DNAH14: variants seen among roughly 807,000 people sequenced by gnomAD.
DNAH14 encodes the protein axonemal beta dynein heavy chain 14.
In DNAH14, 478 loss-of-function variants were observed where a neutral mutation model predicts 520.9. The ratio of observed to expected loss-of-function variants is 0.92; its 90% CI spans 0.85 to 0.99. The LOEUF (loss-of-function observed/expected upper bound fraction) is 0.99. Among genes scored for constraint, DNAH14 ranks in the 50% least tolerant of loss-of-function variants. The pLI, the probability that DNAH14 is intolerant of heterozygous loss-of-function variation, is 0.00. For synonymous variants in DNAH14, 1,581 were observed against 1,757.2 expected, an observed-to-expected ratio of 0.90 and a Z score of 2.51; for missense variants, 4,831 against 5,234.5, an observed-to-expected ratio of 0.92 and a Z score of 2.38.
intron 78 of DNAH14, among the ~76,000 whole-genome samples, chr1:225,375,307 C>A (rs1369512488): frequency 6.6e-6 from 1 of 152,210 alleles, no homozygotes; most frequent in Non-Finnish European, 1.5e-5. Flanking sequence ...CAAGCCTTCA[C>A]ATTTGTGGAG....
At chr1:225,151,832 C>T (rs1160229449) in intron 31 of DNAH14, 173 bp from the exon 32 acceptor site, 3 of 702,680 alleles carry the variant, frequency 4.3e-6, no homozygotes, top group African/African-American at 1.8e-5. Context: ...AACTTTGGCT[C>T]AGCATGAGCC....
rs189934756 is a variant in DNAH14, at chr1:224,984,180, G to C, written c.830+10027G>C. On this transcript the variant is annotated intron_variant, in intron 8 of 85. Transcript: ENST00000682510. ...ATAGTCTCCAAAACAGCATGGTACT[G>C]GTATAAAAATAGGCACATAGACCAA... is the stretch of plus-strand genomic sequence containing the variant. Among the ~76,000 whole-genome samples, 339 of 152,238 alleles carry C rather than the reference G, an allele frequency of 2.2e-3. 2 individuals are homozygous for C. The highest frequency in any genetic ancestry group is 7.9e-3 in the African/African-American group (327 of 41,536).
At chr1:225,142,878 A>G (rs536063420) in intron 28 of DNAH14, among the ~76,000 whole-genome samples, 1 of 152,302 alleles carries the variant, frequency 6.6e-6, no homozygotes, top group East Asian at 1.9e-4. Flanking sequence ...GTGAGCTGAG[A>G]TTGTGCCACT....
At position 225,232,274 on chromosome 1, in the gene DNAH14, T is replaced by TACACACACACACAC. The variant is rs879274136; in HGVS notation, c.6518+1124_6518+1125insCACACACACACACA. Reference sequence around the variant, plus strand: ...CATTATATATATAAACTGTGATATATATATATACACACACACACACACACA... The same window carrying TACACACACACACAC: ...CATTATATATATAAACTGTGATATATACACACACACACACATATATACACACACACACACACACA... On this transcript the variant is annotated intron_variant, in intron 42 of 85. Transcript: ENST00000682510. The surrounding 1 kb of genome is among the most constrained non-coding windows in gnomAD (Gnocchi z 4.2). 8.6e-4 allele frequency among the ~76,000 whole-genome samples: 119 copies of TACACACACACACAC among 138,236 alleles called. No homozygotes were observed. The highest frequency in any genetic ancestry group is 1.3e-3 in the Non-Finnish European group (85 of 65,108). 90.7% of individuals were successfully genotyped at this position (138,236 alleles called of 152,430 possible). A position where few individuals can be genotyped will look rare whatever the true frequency, so the allele number is the denominator to read the frequency against.
chr1:225,322,334 C>A (rs2094573982), intron 61 of DNAH14, among the ~76,000 whole-genome samples: 1 of 151,978 alleles, frequency 6.6e-6, no homozygotes, highest in East Asian at 1.9e-4. Context: ...AGTGATCCGC[C>A]CGCCTCAGCC....
At chr1:225,338,387 C>A in intron 68 of DNAH14, 2 of 711,522 alleles carry the variant, frequency 2.8e-6, no homozygotes, top group South Asian at 1.6e-5. Flanking sequence ...CACTCCAAAC[C>A]AACACTTTTC....
At chr1:225,308,552 T>A in intron 60 of DNAH14, 142 bp downstream of exon 60, 1 of 839,924 alleles carries the variant, frequency 1.2e-6, no homozygotes, top group Non-Finnish European at 1.8e-6. Flanking sequence ...TTCCAACAAC[T>A]ATTTATTGAG....
intron 8 of DNAH14, among the ~76,000 whole-genome samples, chr1:224,982,011 A>C (rs867353077): frequency 6.6e-6 from 1 of 152,180 alleles, no homozygotes; most frequent in African/African-American, 2.4e-5. Context: ...TACTAGGGAC[A>C]ATAGAGGCTT....
At chr1:225,082,088 T>G (rs1229895964) in intron 19 of DNAH14, among the ~76,000 whole-genome samples, 1 of 151,802 alleles carries the variant, frequency 6.6e-6, no homozygotes, top group Non-Finnish European at 1.5e-5. Context: ...CTGGGCAACA[T>G]AGCAAGACCT....
At chr1:225,169,915 G>A (rs1376507660) in intron 36 of DNAH14, among the ~76,000 whole-genome samples, 2 of 152,196 alleles carry the variant, frequency 1.3e-5, no homozygotes, top group Non-Finnish European at 2.9e-5. Context: ...ACTAACAGCA[G>A]ATCTCTTGGC....
intron 39 of DNAH14, among the ~76,000 whole-genome samples, chr1:225,205,082 C>T (rs1017927290): frequency 1.3e-5 from 2 of 152,062 alleles, no homozygotes; most frequent in East Asian, 1.9e-4. Flanking sequence ...GCATAGTGAC[C>T]TATTCATACC....
At chr1:225,058,081 A>T (rs1317118485) in intron 17 of DNAH14, among the ~76,000 whole-genome samples, 1 of 152,052 alleles carries the variant, frequency 6.6e-6, no homozygotes, top group Non-Finnish European at 1.5e-5. Context: ...TTTTCTGTTG[A>T]TTGGAATACT....
chr1:224,946,898 T>C (rs1255476908), intron 1 of DNAH14, among the ~76,000 whole-genome samples: 2 of 150,520 alleles, frequency 1.3e-5, no homozygotes, highest in African/African-American at 4.9e-5. Flanking sequence ...ACTTGTTGTA[T>C]ATCAACGTTT....
At chr1:225,394,442 A>G (rs1198042631) in intron 84 of DNAH14, among the ~76,000 whole-genome samples, 1 of 152,134 alleles carries the variant, frequency 6.6e-6, no homozygotes, top group Non-Finnish European at 1.5e-5. Context: ...ATGCTTTTTT[A>G]TGTTCTGTTT....
chr1:225,277,728 A>G (rs773994123), intron 54 of DNAH14, among the ~76,000 whole-genome samples: 1 of 152,214 alleles, frequency 6.6e-6, no homozygotes. Flanking sequence ...ATAAAACTGC[A>G]CCATTTCTAG....
chr1:225,009,767 C>T (rs1048890153), intron 10 of DNAH14, among the ~76,000 whole-genome samples: 1 of 152,052 alleles, frequency 6.6e-6, no homozygotes, highest in East Asian at 1.9e-4. Flanking sequence ...TGTTTGTGTC[C>T]TCTCTTATTT....
At chr1:225,364,713 C>A (rs1218163419) in intron 75 of DNAH14, 79 bp from the exon 76 acceptor site, 1 of 1,033,230 alleles carries the variant, frequency 9.7e-7, no homozygotes, top group Non-Finnish European at 1.4e-6. Flanking sequence ...CCACTTCAAA[C>A]AGTGAAATGC....
At chr1:225,122,689 A>G (rs1247539421) in intron 26 of DNAH14, among the ~76,000 whole-genome samples, 1 of 152,166 alleles carries the variant, frequency 6.6e-6, no homozygotes, top group East Asian at 1.9e-4. Flanking sequence ...ATAAAGAATC[A>G]TTTGTAGTTG....
chr1:225,130,257 G>T (rs2078244334), intron 27 of DNAH14, among the ~76,000 whole-genome samples: 1 of 152,146 alleles, frequency 6.6e-6, no homozygotes, highest in Non-Finnish European at 1.5e-5. Flanking sequence ...GGAAGTCAGT[G>T]TGGCAATTCC....
Sources: allele counts gnomAD v4.1 joint callset (sites outside exome capture counted in the v4.1 genomes callset), GRCh38; gene constraint gnomAD v4.1.1; non-coding constraint Gnocchi (gnomAD v3.1); transcripts MANE v1.5; gene names NCBI Gene and HGNC (gene_info 2026-07-23, HGNC 2026-07-21).